Variants in TAF12 observed in about 807,000 individuals in gnomAD.
TAF12 encodes the protein transcription initiation factor TFIID subunit 12.
Under a neutral mutation model 20.8 loss-of-function variants are expected in TAF12, and 3 were observed. The ratio of observed to expected loss-of-function variants is 0.14; its 90% CI spans 0.07 to 0.37. TAF12 has a LOEUF of 0.37. TAF12 is among the 10% of genes least tolerant of loss of function. TAF12 has a pLI of 1.00. For synonymous variants in TAF12, 69 were observed against 70.2 expected (o/e 0.98, Z 0.09); for missense variants, 131 against 197.9 (o/e 0.66, Z 2.03).
chr1:28,605,526 C>A, intron 4 of TAF12, 66 bp from the exon 5 acceptor site: 4 of 1,500,886 alleles, frequency 2.7e-6, no homozygotes, highest in Non-Finnish European at 3.7e-6. Flanking sequence ...TGCAATGTGA[C>A]CCCCTTGGAT....
intron 1 of TAF12, among the ~76,000 whole-genome samples, chr1:28,626,601 CAAAT>C (rs1369465422): frequency 7.0e-6 from 1 of 143,798 alleles, no homozygotes; most frequent in Non-Finnish European, 1.5e-5. Flanking sequence ...AAAAAAAAAG[CAAAT>C]AAATAATGAA....
At chr1:28,612,450 T>A (rs895097954) in intron 4 of TAF12, among the ~76,000 whole-genome samples, 77 of 146,838 alleles carry the variant, frequency 5.2e-4, no homozygotes, top group African/African-American at 1.8e-3. Flanking sequence ...AAAAAATATA[T>A]ATATATATAT....
chr1:28,619,688 T>C (rs1570311570), intron 2 of TAF12, among the ~76,000 whole-genome samples: 1 of 139,144 alleles, frequency 7.2e-6, no homozygotes, highest in African/African-American at 2.7e-5. Context: ...CGGTGGCTCA[T>C]GCCTGTAATC....
chr1:28,640,002 C>T (rs536394017), intron 1 of TAF12, among the ~76,000 whole-genome samples: 138 of 152,200 alleles, frequency 9.1e-4, no homozygotes, highest in South Asian at 2.3e-3. Context: ...GCCACCATGC[C>T]CAGCTAATTT....
rs1208744102 is a variant in TAF12, at chr1:28,624,806, G to T, written c.-84-2641C>A. On this transcript the variant is annotated intron_variant, in intron 1 of 5. Coordinates refer to ENST00000373824, the MANE Select transcript of TAF12 (RefSeq NM_005644.4). ...AATAAGAAGAAATCATGTTCTCCTGGTTTACGCTTAATAAAGGCAACTAAG... is the reference window on the plus strand; with the variant it reads ...AATAAGAAGAAATCATGTTCTCCTGTTTTACGCTTAATAAAGGCAACTAAG... Among the ~76,000 whole-genome samples the T allele has an allele frequency of 2.6e-5, 4 of 151,744 alleles. No homozygotes were observed. The South Asian group carries it at 8.3e-4, about 32-fold the overall frequency.
chr1:28,629,288 C>A (rs1667539682), intron 1 of TAF12, among the ~76,000 whole-genome samples: 1 of 152,064 alleles, frequency 6.6e-6, no homozygotes, highest in African/African-American at 2.4e-5. Context: ...AGATAAACTA[C>A]TATTTGAATT....
intron 1 of TAF12, among the ~76,000 whole-genome samples, chr1:28,627,262 C>T (rs1667435458): frequency 6.6e-6 from 1 of 151,820 alleles, no homozygotes; most frequent in Non-Finnish European, 1.5e-5. Context: ...GTGGCACACG[C>T]CTGTAATCCG....
chr1:28,607,118 G>A (rs1666692151), intron 4 of TAF12, among the ~76,000 whole-genome samples: 1 of 152,354 alleles, frequency 6.6e-6, no homozygotes, highest in African/African-American at 2.4e-5. Context: ...CTAAACTCAT[G>A]TATAAAGGTG....
At chr1:28,630,779 C>G (rs1315567411) in intron 1 of TAF12, among the ~76,000 whole-genome samples, 1 of 152,062 alleles carries the variant, frequency 6.6e-6, no homozygotes, top group Non-Finnish European at 1.5e-5. Context: ...GGCGTGGTGG[C>G]TCACACCTGT....
intron 1 of TAF12, among the ~76,000 whole-genome samples, chr1:28,641,382 C>A (rs1668026644): frequency 1.3e-5 from 2 of 152,066 alleles, no homozygotes; most frequent in Admixed American, 1.3e-4. Flanking sequence ...ACTTGAGAGG[C>A]TGAGGCAGGA....
At chr1:28,628,418 T>C (rs953952266) in intron 1 of TAF12, among the ~76,000 whole-genome samples, 3 of 151,906 alleles carry the variant, frequency 2.0e-5, no homozygotes, top group African/African-American at 7.3e-5. Flanking sequence ...TACGATTACA[T>C]TTATATGAAA....
chr1:28,630,329 G>A (rs1398986284), intron 1 of TAF12, among the ~76,000 whole-genome samples: 3 of 152,142 alleles, frequency 2.0e-5, no homozygotes, highest in Non-Finnish European at 4.4e-5. Context: ...GGCCGAGGCG[G>A]GCAGATCATG....
upstream of TAF12, among the ~76,000 whole-genome samples, chr1:28,647,643 G>A (rs2124404680): frequency 6.6e-6 from 1 of 152,322 alleles, no homozygotes; most frequent in African/African-American, 2.4e-5. Context: ...GGAGGCTGAG[G>A]CGGGCGGATC....
At chr1:28,608,533 T>C (rs1350033581) in intron 4 of TAF12, among the ~76,000 whole-genome samples, 1 of 151,912 alleles carries the variant, frequency 6.6e-6, no homozygotes, top group Non-Finnish European at 1.5e-5. Context: ...GTAGGCAGAT[T>C]GCCTGAGCTC....
upstream of TAF12, chr1:28,643,233 T>C (rs1014875529): frequency 4.4e-6 from 2 of 454,854 alleles, no homozygotes; most frequent in East Asian, 3.1e-4. Flanking sequence ...CAGCTTGCGC[T>C]TTTAACTGCT....
In TAF12 at chr1:28,614,797, A is replaced by C. The variant is rs566330293; in HGVS notation, c.247-1436T>G. Among the ~76,000 whole-genome samples, 9 of 152,184 alleles carry C rather than the reference A, an allele frequency of 5.9e-5. No homozygotes were observed. In the South Asian group the frequency reaches 1.7e-3, roughly 28 times the overall value. On this transcript the variant is annotated intron_variant, in intron 3 of 5. Transcript: ENST00000373824. ...ATTGGACTGTGTGAAGAGAAGGATG[A>C]GAATTCTGAAGATAAAAATCTACGA... is the stretch of plus-strand genomic sequence containing the variant.
chr1:28,639,461 C>T (rs929813845), intron 1 of TAF12, among the ~76,000 whole-genome samples: 1 of 136,842 alleles, frequency 7.3e-6, no homozygotes, highest in East Asian at 2.0e-4. Context: ...TCCTTTTGTC[C>T]TTTGTTCCTA....
At chr1:28,619,666 A>G (rs1052620777) in intron 2 of TAF12, among the ~76,000 whole-genome samples, 1 of 147,826 alleles carries the variant, frequency 6.8e-6, no homozygotes, top group African/African-American at 2.5e-5. Context: ...AAAAAAAAAA[A>G]AAAGCCGGGT....
Sources: gnomAD v4.1 joint callset for allele counts (sites outside exome capture counted in the v4.1 genomes callset) on GRCh38, gnomAD v4.1.1 for gene constraint, MANE v1.5 for transcripts, NCBI Gene and HGNC (gene_info 2026-07-23, HGNC 2026-07-21) for gene names.